The following EIF2B3 variants were observed in gnomAD, a reference collection of about 807,000 sequenced individuals.
The protein encoded by EIF2B3 is translation initiation factor eIF2B subunit gamma.
Under a neutral mutation model 54.1 loss-of-function variants are expected in EIF2B3, and 20 were observed. That is an observed-to-expected ratio of 0.37 (90% CI 0.26 to 0.54). The LOEUF (loss-of-function observed/expected upper bound fraction) is 0.54, where lower values mean the gene tolerates loss of function less well. Among genes scored for constraint, EIF2B3 ranks in the 20% least tolerant of loss-of-function variants. The probability of loss-of-function intolerance (pLI) is 0.86; values close to 1 mark genes in which losing one functional copy is unlikely to be tolerated. For missense variants in EIF2B3, 448 were observed against 547.8 expected, an observed-to-expected ratio of 0.82 and a Z score of 1.82; for synonymous variants, 153 against 188.1, an observed-to-expected ratio of 0.81 and a Z score of 1.52.
In EIF2B3 at chr1:44,963,094, A is replaced by G. The variant is rs1210814971; in HGVS notation, c.294+15221T>C. On this transcript the variant is annotated intron_variant, in intron 3 of 11. Coordinates refer to ENST00000360403, the MANE Select transcript of EIF2B3 (RefSeq NM_020365.5). ...GATGGGCATGGTGGTACACACTTGT[A>G]GTCCCAGTTACTGGGGAGGCTGAGG... Among the ~76,000 whole-genome samples, 4 of 152,020 alleles carry G rather than the reference A, an allele frequency of 2.6e-5. No individual in the cohort carries two copies. The East Asian group carries it at 7.8e-4, about 30-fold the overall frequency.
intron 5 of EIF2B3, among the ~76,000 whole-genome samples, chr1:44,907,189 A>G (rs1643427801): frequency 1.3e-5 from 2 of 152,068 alleles, no homozygotes; most frequent in South Asian, 2.1e-4. Context: ...CTCTTACCCA[A>G]CTCCAATCCT....
At chr1:44,939,385 A>G (rs12404127) in intron 4 of EIF2B3, among the ~76,000 whole-genome samples, 25,828 of 152,148 alleles carry the variant, frequency 0.17, 2,300 homozygotes, top group Non-Finnish European at 0.18. Context: ...CAAACTGACA[A>G]TTTAAGCATG....
At chr1:44,949,527 A>AT (rs1324906988) in intron 3 of EIF2B3, among the ~76,000 whole-genome samples, 24 of 152,304 alleles carry the variant, frequency 1.6e-4, no homozygotes, top group African/African-American at 5.5e-4. Context: ...AAAACATCTG[A>AT]TTTTAAATGT....
chr1:44,942,411 ATATATATTTTTTTTTTTT>A, intron 3 of EIF2B3, among the ~76,000 whole-genome samples: 1 of 12,970 alleles, frequency 7.7e-5, no homozygotes, highest in South Asian at 3.4e-3. Context: ...ATATATATAT[ATATATATTTTTTTTTTTT>A]TTTTTTTTTT....
chr1:44,962,204 A>ACATCAT (rs113470749), intron 3 of EIF2B3, among the ~76,000 whole-genome samples: 115,608 of 145,970 alleles, frequency 0.79, 48,491 homozygotes, highest in Non-Finnish European at 0.92. Flanking sequence ...ATCATCATCA[A>ACATCAT]CATCATCATC....
rs749235251 is a variant in EIF2B3 at position 44,880,005 on chromosome 1, A to G, written c.788T>C (p.Ile263Thr). Reference sequence around the variant, plus strand: ...ATTGGCTTCTTTTATAAAACTGTAGATATCTTCAGAACAAACACCCAACCA... The same window carrying G: ...ATTGGCTTCTTTTATAAAACTGTAGGTATCTTCAGAACAAACACCCAACCA... ...LKKKELKSLD[I>T]YSFIKEANTL... Residue 263 changes from isoleucine to threonine, a missense_variant, in exon 8 of 12, where the codon ATC becomes ACC. By Grantham distance (89) the Ile-to-Thr change is moderately conservative (BLOSUM62 -1). Transcript: ENST00000360403. 4 of 1,614,050 alleles carry G rather than the reference A, an allele frequency of 2.5e-6. No homozygotes were observed. The highest frequency in any genetic ancestry group is 2.2e-5 in the South Asian group (2 of 91,090).
At chr1:44,909,615 T>C (rs1194009407) in intron 5 of EIF2B3, among the ~76,000 whole-genome samples, 1 of 152,176 alleles carries the variant, frequency 6.6e-6, no homozygotes, top group Non-Finnish European at 1.5e-5. Flanking sequence ...CTTAAAGATA[T>C]TGACATGGGT....
intron 8 of EIF2B3, among the ~76,000 whole-genome samples, chr1:44,877,382 T>C (rs1041448600): frequency 6.6e-6 from 1 of 152,006 alleles, no homozygotes; most frequent in African/African-American, 2.4e-5. Context: ...TCTCTTAGCT[T>C]TGAATGCTCC....
intron 5 of EIF2B3, among the ~76,000 whole-genome samples, chr1:44,903,637 T>C (rs754354611): frequency 2.4e-4 from 36 of 152,264 alleles, no homozygotes; most frequent in Non-Finnish European, 4.7e-4. Flanking sequence ...GAAATTCATC[T>C]AGACACCCTG....
intron 5 of EIF2B3, among the ~76,000 whole-genome samples, chr1:44,906,824 T>C (rs898717492): frequency 2.0e-5 from 3 of 152,234 alleles, no homozygotes; most frequent in African/African-American, 7.2e-5. Flanking sequence ...TATATATTAA[T>C]GCTTACAAAT....
intron 4 of EIF2B3, among the ~76,000 whole-genome samples, chr1:44,929,468 A>G (rs1168505162): frequency 6.6e-6 from 1 of 152,214 alleles, no homozygotes; most frequent in African/African-American, 2.4e-5. Flanking sequence ...ATTATAAAAA[A>G]TTATATGTTG....
intron 5 of EIF2B3, among the ~76,000 whole-genome samples, chr1:44,921,658 C>T (rs114645854): frequency 5.5e-4 from 84 of 151,918 alleles, no homozygotes; most frequent in Non-Finnish European, 8.7e-4. Flanking sequence ...CTTTCCCCAA[C>T]GTATATTCTT....
intron 3 of EIF2B3, among the ~76,000 whole-genome samples, chr1:44,972,248 C>A (rs1194673469): frequency 2.1e-5 from 3 of 143,584 alleles, no homozygotes; most frequent in Admixed American, 6.9e-5. Context: ...CACACACACA[C>A]AAACACACAC....
intron 4 of EIF2B3, among the ~76,000 whole-genome samples, chr1:44,928,734 C>T (rs756520460): frequency 6.6e-5 from 10 of 152,068 alleles, no homozygotes; most frequent in Non-Finnish European, 1.0e-4. Flanking sequence ...TTCTCTTCCC[C>T]GACTAGATTA....
chr1:44,955,906 TGTTG>T (rs1644218637), intron 3 of EIF2B3, among the ~76,000 whole-genome samples: 2 of 152,186 alleles, frequency 1.3e-5, no homozygotes. Context: ...GCTTTTACAC[TGTTG>T]GTGGTAGTGT....
chr1:44,868,397 CAAAAAAAAAAAA>C (rs34094245), intron 10 of EIF2B3, among the ~76,000 whole-genome samples: 2 of 65,436 alleles, frequency 3.1e-5, no homozygotes, highest in African/African-American at 1.1e-4. Flanking sequence ...GACTCCGTCT[CAAAAAAAAAAAA>C]AAAAAAAAAA....
intron 2 of EIF2B3, among the ~76,000 whole-genome samples, 169 bp downstream of exon 2, chr1:44,980,852 T>A (rs1278942699): frequency 2.0e-5 from 3 of 152,002 alleles, no homozygotes; most frequent in Non-Finnish European, 4.4e-5. Context: ...AGTGCTATCC[T>A]CTCAACCTTT....
At chr1:44,939,101 CAAAAA>C (rs35410499) in intron 4 of EIF2B3, among the ~76,000 whole-genome samples, 6 of 56,286 alleles carry the variant, frequency 1.1e-4, no homozygotes, top group Non-Finnish European at 1.7e-4. Flanking sequence ...GACCCTGTCT[CAAAAA>C]AAAAAAAAAA....
chr1:44,856,528 TA>T (rs150728949), intron 11 of EIF2B3, among the ~76,000 whole-genome samples: 664 of 102,366 alleles, frequency 6.5e-3, no homozygotes, highest in Middle Eastern at 0.03. Context: ...AAATTAAAAT[TA>T]AAAAAAAAAA....
Sources: allele counts gnomAD v4.1 joint callset (sites outside exome capture counted in the v4.1 genomes callset), GRCh38; gene constraint gnomAD v4.1.1; transcripts MANE v1.5; gene names NCBI Gene and HGNC (gene_info 2026-07-23, HGNC 2026-07-21).